The following ARMH4 variants were observed in gnomAD, a reference collection of about 807,000 sequenced individuals.
ARMH4 encodes armadillo like helical domain containing 4, also known as armadillo-like helical domain-containing protein 4.
A neutral mutation model predicts 61.9 loss-of-function variants in ARMH4; 49 were observed. That is an observed-to-expected ratio of 0.79 (90% confidence interval 0.63 to 1.00). The LOEUF is 1.00. ARMH4 is among the 50% of genes least tolerant of loss of function. The pLI is 0.00. For missense variants in ARMH4, 934 were observed against 930.0 expected (o/e 1.00, Z -0.06); for synonymous variants, 368 against 341.5 (o/e 1.08, Z -0.85).
intron 4 of ARMH4, among the ~76,000 whole-genome samples, chr14:58,108,584 C>T (rs143689459): frequency 2.0e-5 from 3 of 152,242 alleles, no homozygotes; most frequent in East Asian, 1.9e-4. Flanking sequence ...TTAATTTTCA[C>T]GATATATGCT....
intron 5 of ARMH4, among the ~76,000 whole-genome samples, chr14:58,054,027 CG>C (rs1884235567): frequency 1.3e-5 from 2 of 152,192 alleles, no homozygotes; most frequent in South Asian, 4.1e-4. Flanking sequence ...GCCCTTGGTA[CG>C]TCTCAAAGAC....
intron 1 of ARMH4, among the ~76,000 whole-genome samples, chr14:58,143,765 C>CTTTTTTTT (rs201034964): frequency 1.8e-4 from 22 of 120,070 alleles, no homozygotes; most frequent in African/African-American, 7.5e-4. Context: ...TGCCCATCCT[C>CTTTTTTTT]TTTTTTTTTT....
intron 5 of ARMH4, among the ~76,000 whole-genome samples, chr14:58,036,761 A>G (rs1026962467): frequency 2.6e-5 from 3 of 115,244 alleles, no homozygotes; most frequent in Admixed American, 8.5e-5. Context: ...CCAACAACAG[A>G]CAAACAGAGA....
At position 58,088,568 on chromosome 14, in the gene ARMH4, C is replaced by T. The variant is rs77364050; in HGVS notation, c.2089+8156G>A. On this transcript the variant is annotated intron_variant, in intron 5 of 7. Transcript: ENST00000267485. Reference sequence around the variant, plus strand: ...GGCATTACTCTCTAATTCAGAAACCCTGGGTACCATCTTGGGGATGGAAGG... The same window carrying T: ...GGCATTACTCTCTAATTCAGAAACCTTGGGTACCATCTTGGGGATGGAAGG... Among the ~76,000 whole-genome samples, 1,257 of 152,196 alleles carry T rather than the reference C, an allele frequency of 8.3e-3. 14 individuals carry two copies. The highest frequency in any genetic ancestry group is 0.028 in the African/African-American group (1,180 of 41,528).
chr14:58,086,919 G>A (rs948970499), intron 5 of ARMH4, among the ~76,000 whole-genome samples: 5 of 152,288 alleles, frequency 3.3e-5, no homozygotes, highest in Admixed American at 2.0e-4. Flanking sequence ...GGTAGAAAAA[G>A]TCGGTAGGGA....
intron 5 of ARMH4, among the ~76,000 whole-genome samples, chr14:58,021,572 C>T (rs1013307883): frequency 2.6e-5 from 4 of 152,198 alleles, no homozygotes; most frequent in Admixed American, 6.5e-5. Flanking sequence ...CTCACAAACA[C>T]GACCAATATA....
At chr14:58,024,492 C>G (rs756183307) in intron 5 of ARMH4, among the ~76,000 whole-genome samples, 2 of 152,194 alleles carry the variant, frequency 1.3e-5, no homozygotes, top group African/African-American at 2.4e-5. Context: ...ATCTTCTACA[C>G]AGGCCACTAT....
intron 2 of ARMH4, among the ~76,000 whole-genome samples, chr14:58,135,309 A>G (rs1887266560): frequency 6.6e-6 from 1 of 152,150 alleles, no homozygotes; most frequent in South Asian, 2.1e-4. Context: ...GCCAGGATTC[A>G]TTGTCTTTCT....
intron 4 of ARMH4, among the ~76,000 whole-genome samples, chr14:58,115,820 C>T (rs1886499272): frequency 6.6e-6 from 1 of 152,242 alleles, no homozygotes; most frequent in East Asian, 1.9e-4. Context: ...GAAAACCAAG[C>T]ATCACATGCT....
chr14:58,019,557 A>G (rs1188330629), intron 5 of ARMH4, among the ~76,000 whole-genome samples: 1 of 152,084 alleles, frequency 6.6e-6, no homozygotes, highest in Non-Finnish European at 1.5e-5. Flanking sequence ...ACGTGTGAAG[A>G]TCGAAGATGC....
At chr14:58,049,311 T>C (rs1161876649) in intron 5 of ARMH4, among the ~76,000 whole-genome samples, 2 of 151,746 alleles carry the variant, frequency 1.3e-5, no homozygotes, top group South Asian at 2.1e-4. Flanking sequence ...CTGCAAGATA[T>C]ACTTATTTCT....
At chr14:58,079,313 G>A (rs1885146636) in intron 5 of ARMH4, among the ~76,000 whole-genome samples, 1 of 152,214 alleles carries the variant, frequency 6.6e-6, no homozygotes, top group East Asian at 1.9e-4. Context: ...TCTGGCAAGA[G>A]CCTTCATGCT....
chr14:58,133,622 T>G (rs111346921), intron 2 of ARMH4, among the ~76,000 whole-genome samples: 5 of 152,332 alleles, frequency 3.3e-5, no homozygotes, highest in African/African-American at 7.2e-5. Context: ...GAGCTCCCTT[T>G]CAGGCACATG....
At chr14:58,098,871 T>A (rs1053405868) in intron 4 of ARMH4, among the ~76,000 whole-genome samples, 13 of 151,054 alleles carry the variant, frequency 8.6e-5, no homozygotes, top group Admixed American at 3.3e-4. Flanking sequence ...AGCAGCAGGG[T>A]GGAGAACAGG....
At chr14:58,052,594 T>C (rs190573157) in intron 5 of ARMH4, among the ~76,000 whole-genome samples, 1 of 152,300 alleles carries the variant, frequency 6.6e-6, no homozygotes, top group Admixed American at 6.5e-5. Flanking sequence ...CTCACCTCTC[T>C]GGCTGCTCCT....
chr14:58,091,034 T>C (rs568230514), intron 5 of ARMH4, among the ~76,000 whole-genome samples: 7 of 151,266 alleles, frequency 4.6e-5, no homozygotes, highest in Admixed American at 6.6e-5. Flanking sequence ...CTGGGCAACA[T>C]GGCGAAACCT....
intron 5 of ARMH4, among the ~76,000 whole-genome samples, chr14:58,062,819 G>C (rs1393509193): frequency 6.6e-6 from 1 of 152,182 alleles, no homozygotes; most frequent in Non-Finnish European, 1.5e-5. Flanking sequence ...AGCCCCTCCT[G>C]GGAGGTTACT....
intron 5 of ARMH4, among the ~76,000 whole-genome samples, chr14:58,054,629 G>C (rs1884260871): frequency 6.6e-6 from 1 of 152,074 alleles, no homozygotes; most frequent in South Asian, 2.1e-4. Flanking sequence ...CAGGCACAGT[G>C]GCTCATGACT....
intron 5 of ARMH4, among the ~76,000 whole-genome samples, chr14:58,092,666 T>C (rs562388568): frequency 4.6e-5 from 7 of 152,178 alleles, no homozygotes; most frequent in Non-Finnish European, 7.3e-5. Flanking sequence ...CCTTGGCTGA[T>C]GGCTACATCA....
Sources: gnomAD v4.1 joint callset for allele counts (sites outside exome capture counted in the v4.1 genomes callset) on GRCh38, gnomAD v4.1.1 for gene constraint, MANE v1.5 for transcripts, NCBI Gene and HGNC (gene_info 2026-07-23, HGNC 2026-07-21) for gene names.